PLA2G5: variants seen among roughly 807,000 people sequenced by gnomAD.
The protein encoded by PLA2G5 is Ca2+-dependent phospholipase A2.
A neutral mutation model predicts 15.9 loss-of-function variants in PLA2G5; 12 were observed. The ratio of observed to expected loss-of-function variants is 0.76; its 90% confidence interval spans 0.48 to 1.23. PLA2G5 has a LOEUF of 1.23. PLA2G5 is among the 50% of genes most tolerant of loss of function. PLA2G5 has a pLI of 0.00. For missense variants in PLA2G5, 169 were observed against 177.1 expected, an observed-to-expected ratio of 0.95 and a Z score of 0.26; for synonymous variants, 71 against 71.4, an observed-to-expected ratio of 0.99 and a Z score of 0.03.
intron 1 of PLA2G5, among the ~76,000 whole-genome samples, chr1:20,053,184 C>A (rs1167275171): frequency 6.6e-6 from 1 of 152,218 alleles, no homozygotes; most frequent in Non-Finnish European, 1.5e-5. Flanking sequence ...CTCAGATATT[C>A]AGGTTTCACA....
chr1:20,033,678 G>C (rs1205795220), intron 1 of PLA2G5, among the ~76,000 whole-genome samples: 4 of 152,154 alleles, frequency 2.6e-5, no homozygotes, highest in Non-Finnish European at 5.9e-5. Flanking sequence ...GTTTGGCAGA[G>C]TAGTCCAAGA....
chr1:20,049,871 T>C (rs1281337661), intron 1 of PLA2G5, among the ~76,000 whole-genome samples: 1 of 152,166 alleles, frequency 6.6e-6, no homozygotes, highest in Non-Finnish European at 1.5e-5. Flanking sequence ...TTTTAAAGGG[T>C]GTGAAATAGT....
At position 20,070,334 on chromosome 1, in the gene PLA2G5, T is replaced by C. The variant is rs1380063749; in HGVS notation, c.-142T>C. The C allele has an allele frequency of 2.0e-6, 2 of 985,372 alleles. No homozygotes were observed. Among genetic ancestry groups the C allele is most frequent in the African/African-American group, 3.5e-5 (2 of 57,244 alleles). 61.0% of individuals were successfully genotyped at this position (985,372 alleles called of 1,614,324 possible). A position where few individuals can be genotyped will look rare whatever the true frequency, so the allele number is the denominator to read the frequency against. ...GGCCAAGAATTTGACTCCCCCCGGA[T>C]CCATGGTCTGTGGATACCAATGTTC... is the stretch of plus-strand genomic sequence containing the variant. On this transcript the variant is annotated 5_prime_UTR_variant, in exon 1 of 5. Coordinates refer to ENST00000375108, the MANE Select transcript of PLA2G5 (RefSeq NM_000929.3).
chr1:20,033,448 A>G (rs1183063644), intron 1 of PLA2G5, among the ~76,000 whole-genome samples: 2 of 152,158 alleles, frequency 1.3e-5, no homozygotes, highest in African/African-American at 2.4e-5. Context: ...TACCTGCTAT[A>G]AGCAAGATGA....
chr1:20,068,617 A>G (rs1296535282), upstream of PLA2G5, among the ~76,000 whole-genome samples: 1 of 151,700 alleles, frequency 6.6e-6, no homozygotes, highest in East Asian at 1.9e-4. Context: ...ATGCCTGGCT[A>G]ATTTTATATT....
chr1:20,032,786 T>C (rs1557720719), intron 1 of PLA2G5, among the ~76,000 whole-genome samples: 1 of 152,346 alleles, frequency 6.6e-6, no homozygotes, highest in Admixed American at 6.5e-5. Flanking sequence ...CCTGGGTATA[T>C]ACAGGATGTA....
chr1:20,068,928 A>G, upstream of PLA2G5: 1 of 1,289,280 alleles, frequency 7.8e-7, no homozygotes, highest in Non-Finnish European at 1.0e-6. Context: ...TCTCCAACAC[A>G]GCAGAGCCAG....
intron 3 of PLA2G5, among the ~76,000 whole-genome samples, chr1:20,086,773 A>G (rs2016316107): frequency 6.6e-6 from 1 of 152,220 alleles, no homozygotes; most frequent in South Asian, 2.1e-4. Context: ...TGTGTCACTT[A>G]CACTGTACTC....
rs2015301846 is a variant in PLA2G5, at chr1:20,070,449, G to A, written c.-27G>A. 1.0e-6 allele frequency: 1 copy of A among 985,486 alleles called. No individual in the cohort carries two copies. Among genetic ancestry groups the A allele is most frequent in the Non-Finnish European group, 1.2e-6 (1 of 829,994 alleles). 61.0% of individuals were successfully genotyped at this position (985,486 alleles called of 1,614,324 possible). A position where few individuals can be genotyped will look rare whatever the true frequency, so the allele number is the denominator to read the frequency against. Reference sequence around the variant, plus strand: ...GGAGCAGACCTCTAGAGCAGGATTTGAGGCCAGGCCAAAGAGGTTAGTTAC... The same window carrying A: ...GGAGCAGACCTCTAGAGCAGGATTTAAGGCCAGGCCAAAGAGGTTAGTTAC... On this transcript the variant is annotated 5_prime_UTR_variant, in exon 1 of 5. Coordinates refer to ENST00000375108, the MANE Select transcript of PLA2G5 (RefSeq NM_000929.3).
Position 20,070,282 on chromosome 1 carries a change from T to A in PLA2G5, c.-194T>A, listed in dbSNP as rs963332209. 37 of 985,294 alleles carry A rather than the reference T, an allele frequency of 3.8e-5. No homozygotes were observed. The highest frequency in any genetic ancestry group is 5.2e-5 in the African/African-American group (3 of 57,238). The allele number at this position is 985,294 out of a possible 1,614,324, so 61.0% of individuals were successfully genotyped here. A position where few individuals can be genotyped will look rare whatever the true frequency, so the allele number is the denominator to read the frequency against. ...CGGGTTTGTCCTCATCATCGGTCACTCCCATTCACAGCTTTAAGATTCTGG... is the reference window on the plus strand; with the variant it reads ...CGGGTTTGTCCTCATCATCGGTCACACCCATTCACAGCTTTAAGATTCTGG... On this transcript the variant is annotated 5_prime_UTR_variant, in exon 1 of 5. Coordinates refer to ENST00000375108, the MANE Select transcript of PLA2G5 (RefSeq NM_000929.3).
chr1:20,084,527 T>C (rs1261834641), intron 1 of PLA2G5, among the ~76,000 whole-genome samples: 2 of 152,190 alleles, frequency 1.3e-5, no homozygotes, highest in African/African-American at 4.8e-5. Context: ...CTCTGGTCCC[T>C]TTTAGCCATT....
rs529133363 is a variant in PLA2G5 at position 20,077,671 on chromosome 1, G to A, written c.-10-7150G>A. On this transcript the variant is annotated intron_variant, in intron 1 of 4. Coordinates refer to ENST00000375108, the MANE Select transcript of PLA2G5 (RefSeq NM_000929.3). ...TGACTTATCTCATCGAATTATCAGC[G>A]TTACTAAGTGAGTCTGGTTCTATGA... Among the ~76,000 whole-genome samples the A allele has an allele frequency of 4.6e-5, 7 of 152,254 alleles. No homozygotes were observed. The East Asian group carries it at 1.2e-3, about 25-fold the overall frequency.
chr1:20,050,463 T>C (rs2014128425), intron 1 of PLA2G5, among the ~76,000 whole-genome samples: 1 of 152,196 alleles, frequency 6.6e-6, no homozygotes, highest in Admixed American at 6.5e-5. Context: ...AGTTAATCAT[T>C]AATGTCAAAG....
At chr1:20,068,704 G>C (rs1323329617), upstream of PLA2G5, among the ~76,000 whole-genome samples, 1 of 152,082 alleles carries the variant, frequency 6.6e-6, no homozygotes, top group Non-Finnish European at 1.5e-5. Context: ...GCCCACCTCG[G>C]CCTCCCAAAG....
intron 1 of PLA2G5, among the ~76,000 whole-genome samples, chr1:20,074,766 G>T (rs1300388805): frequency 6.6e-6 from 1 of 152,218 alleles, no homozygotes; most frequent in African/African-American, 2.4e-5. Context: ...AAATCTGACT[G>T]CTTAGCGCGT....
At position 20,091,679 on chromosome 1, in the gene PLA2G5, A is replaced by T. The variant is rs11573296; in HGVS notation, c.*987A>T. Reference sequence around the variant, plus strand: ...GGTTTATTTTTTACAAAGTAAGGACATTAAAAAAACCAACCCGTCTATCAA... The same window carrying T: ...GGTTTATTTTTTACAAAGTAAGGACTTTAAAAAAACCAACCCGTCTATCAA... On this transcript the variant is annotated 3_prime_UTR_variant, in exon 5 of 5. Transcript: ENST00000375108. Among the ~76,000 whole-genome samples the T allele has an allele frequency of 0.026, 3,983 of 152,134 alleles. 81 individuals carry two copies. The highest frequency in any genetic ancestry group is 0.036 in the Admixed American group (550 of 15,278).
At chr1:20,064,588 A>G (rs566070808) in intron 2 of PLA2G5, among the ~76,000 whole-genome samples, 64 of 152,000 alleles carry the variant, frequency 4.2e-4, no homozygotes, top group African/African-American at 1.5e-3. Context: ...AAAGGAAAAA[A>G]AAAAAAAAGG....
chr1:20,056,791 T>C (rs1237655629), intron 1 of PLA2G5, among the ~76,000 whole-genome samples: 2 of 152,224 alleles, frequency 1.3e-5, no homozygotes, highest in Non-Finnish European at 2.9e-5. Flanking sequence ...ACAGAATTAA[T>C]ATGATTTTTT....
At chr1:20,043,005 C>A (rs965634807) in intron 1 of PLA2G5, among the ~76,000 whole-genome samples, 2 of 152,078 alleles carry the variant, frequency 1.3e-5, no homozygotes, top group African/African-American at 4.8e-5. Context: ...GAAAGTAAAT[C>A]ATGAGAAAGG....
Sources: allele counts gnomAD v4.1 joint callset (sites outside exome capture counted in the v4.1 genomes callset), GRCh38; gene constraint gnomAD v4.1.1; transcripts MANE v1.5; gene names NCBI Gene and HGNC (gene_info 2026-07-23, HGNC 2026-07-21).